Variants in PCDH15 observed in about 807,000 individuals in gnomAD.
PCDH15 encodes protocadherin related 15, also known as protocadherin-15.
PCDH15 carries 129 observed loss-of-function variants against 178.5 expected under a neutral mutation model. The observed-to-expected ratio is 0.72, with a 90% CI of 0.63 to 0.84. The LOEUF is 0.84. Ranked by LOEUF, PCDH15 falls within the 40% of genes least tolerant of loss-of-function variation. The pLI, the probability that PCDH15 is intolerant of heterozygous loss-of-function variation, is 0.00. For synonymous variants in PCDH15, 800 were observed against 732.0 expected, an observed-to-expected ratio of 1.09 and a Z score of -1.50; for missense variants, 2,230 against 2,099.9, an observed-to-expected ratio of 1.06 and a Z score of -1.21.
intron 3 of PCDH15, among the ~76,000 whole-genome samples, chr10:54,421,672 A>G (rs1184821432): frequency 6.3e-5 from 2 of 31,600 alleles, no homozygotes; most frequent in African/African-American, 1.4e-4. Context: ...GTATATATAC[A>G]TATATATATA....
chr10:53,821,898 C>A, intron 32 of PCDH15: 1 of 1,613,518 alleles, frequency 6.2e-7, no homozygotes, highest in Non-Finnish European at 8.5e-7. Flanking sequence ...TTTTTCAGTT[C>A]CCTCGACAAT....
At chr10:54,996,074 C>A (rs952463045) in intron 2 of PCDH15, among the ~76,000 whole-genome samples, 2 of 152,166 alleles carry the variant, frequency 1.3e-5, no homozygotes, top group African/African-American at 4.8e-5. Flanking sequence ...GAACCCCTAG[C>A]ATTTCAGTAA....
At position 55,210,618 on chromosome 10, in the gene PCDH15, C is replaced by CTTTTTTTTTTTTTTTTTTTTTTTTTTTT. The variant is rs11412877; in HGVS notation, c.-155-43995_-155-43968dup. Among the ~76,000 whole-genome samples, 10 of 40,342 alleles carry CTTTTTTTTTTTTTTTTTTTTTTTTTTTT rather than the reference C, an allele frequency of 2.5e-4. 3 individuals are homozygous for CTTTTTTTTTTTTTTTTTTTTTTTTTTTT. Among genetic ancestry groups the CTTTTTTTTTTTTTTTTTTTTTTTTTTTT allele is most frequent in the Non-Finnish European group, 3.6e-4 (9 of 24,814 alleles). 26.5% of individuals were successfully genotyped at this position (40,342 alleles called of 152,430 possible). ...ACGATTTTTTTTTCTTTTTTCTTTTCTTTTTTTTTTTTTTTTTTTTTTTTT... is the reference window on the plus strand; with the variant it reads ...ACGATTTTTTTTTCTTTTTTCTTTTCTTTTTTTTTTTTTTTTTTTTTTTTTTTTTTTTTTTTTTTTTTTTTTTTTTTTT... On this transcript the variant is annotated intron_variant, in intron 1 of 5. Coordinates refer to the PCDH15 transcript ENST00000458638.
chr10:55,607,107 CA>C (rs753911109), intron 2 of PCDH15, among the ~76,000 whole-genome samples: 1 of 152,140 alleles, frequency 6.6e-6, no homozygotes, highest in Non-Finnish European at 1.5e-5. Flanking sequence ...ATACATTTCT[CA>C]AAAGAAGACA....
At chr10:54,705,363 C>A (rs978268405) in intron 1 of PCDH15, among the ~76,000 whole-genome samples, 1 of 151,912 alleles carries the variant, frequency 6.6e-6, no homozygotes, top group African/African-American at 2.4e-5. Context: ...ATTTCCAGAA[C>A]TGTCATTTGA....
intron 2 of PCDH15, among the ~76,000 whole-genome samples, chr10:55,570,075 C>G (rs1213803770): frequency 1.3e-5 from 2 of 151,982 alleles, no homozygotes; most frequent in African/African-American, 2.4e-5. Context: ...GTAAGAAGAG[C>G]TTTCATCTTA....
intron 1 of PCDH15, among the ~76,000 whole-genome samples, chr10:54,757,914 T>C (rs1947373335): frequency 1.3e-5 from 2 of 152,160 alleles, no homozygotes; most frequent in East Asian, 1.9e-4. Flanking sequence ...GGAGGTCTTA[T>C]TGGGTCTCTG....
At chr10:55,249,791 C>A (rs1432059647) in intron 1 of PCDH15, among the ~76,000 whole-genome samples, 2 of 151,584 alleles carry the variant, frequency 1.3e-5, no homozygotes, top group South Asian at 4.2e-4. Context: ...ATATAAAGAA[C>A]AAGTAATTAA....
At chr10:53,833,048 A>G (rs918839205) in intron 29 of PCDH15, among the ~76,000 whole-genome samples, 2 of 152,078 alleles carry the variant, frequency 1.3e-5, no homozygotes, top group African/African-American at 2.4e-5. Context: ...TTTTATGATT[A>G]CTAGAAATAG....
At chr10:55,332,381 G>T (rs1228381646) in intron 2 of PCDH15, among the ~76,000 whole-genome samples, 1 of 152,072 alleles carries the variant, frequency 6.6e-6, no homozygotes, top group Non-Finnish European at 1.5e-5. Flanking sequence ...TGAACTGGAA[G>T]AGGTCCCCCA....
At chr10:54,189,456 C>A in intron 11 of PCDH15, 4 of 1,091,438 alleles carry the variant, frequency 3.7e-6, no homozygotes, top group South Asian at 2.1e-5. Flanking sequence ...GAAGAAAAAG[C>A]AAACCACTTC....
chr10:54,987,884 A>G (rs1443868688), intron 2 of PCDH15, among the ~76,000 whole-genome samples: 2 of 151,790 alleles, frequency 1.3e-5, no homozygotes, highest in African/African-American at 4.8e-5. Context: ...TCATTTGTCA[A>G]TTTTGCCTTT....
At chr10:54,151,426 C>T (rs917757233) in intron 14 of PCDH15, among the ~76,000 whole-genome samples, 4 of 151,950 alleles carry the variant, frequency 2.6e-5, no homozygotes, top group Non-Finnish European at 4.4e-5. Context: ...CTGTAGTCCC[C>T]ACTACTAGTG....
chr10:54,398,514 T>TA (rs1268460177), intron 3 of PCDH15, among the ~76,000 whole-genome samples: 1 of 152,038 alleles, frequency 6.6e-6, no homozygotes, highest in Non-Finnish European at 1.5e-5. Context: ...TGAACCATGA[T>TA]AAAATCTATC....
At chr10:55,194,852 T>C (rs1840041198) in intron 1 of PCDH15, among the ~76,000 whole-genome samples, 1 of 152,002 alleles carries the variant, frequency 6.6e-6, no homozygotes, top group African/African-American at 2.4e-5. Context: ...TTCCCCACTT[T>C]AGCTTCCTAA....
intron 18 of PCDH15, among the ~76,000 whole-genome samples, chr10:54,028,660 T>A (rs1426747625): frequency 6.8e-6 from 1 of 146,986 alleles, no homozygotes; most frequent in Non-Finnish European, 1.5e-5. Context: ...AAATTGGAAA[T>A]CATCATTCTC....
At chr10:55,032,436 T>G (rs2131967650) in intron 2 of PCDH15, among the ~76,000 whole-genome samples, 1 of 152,302 alleles carries the variant, frequency 6.6e-6, no homozygotes, top group Non-Finnish European at 1.5e-5. Flanking sequence ...AGACAGAATT[T>G]AACCCACTTA....
intron 2 of PCDH15, among the ~76,000 whole-genome samples, chr10:55,428,651 C>T (rs1021915091): frequency 6.6e-6 from 1 of 151,702 alleles, no homozygotes; most frequent in Admixed American, 6.6e-5. Flanking sequence ...TATTTTAGGG[C>T]TTACTTTTTT....
chr10:53,810,002 A>G (rs2075807973), intron 37 of PCDH15, among the ~76,000 whole-genome samples: 1 of 152,210 alleles, frequency 6.6e-6, no homozygotes. Flanking sequence ...TGTTAAAGCC[A>G]CAGTGACATT....
Sources: allele counts gnomAD v4.1 joint callset (sites outside exome capture counted in the v4.1 genomes callset), GRCh38; gene constraint gnomAD v4.1.1; transcripts MANE v1.5; gene names NCBI Gene and HGNC (gene_info 2026-07-23, HGNC 2026-07-21).